Variants in WASHC5 observed in about 807,000 individuals in gnomAD.
WASHC5 encodes WASH complex subunit strumpellin.
In WASHC5, 101 loss-of-function variants were observed where a neutral mutation model predicts 150.4. That is an observed-to-expected ratio of 0.67 (90% confidence interval 0.57 to 0.79). The LOEUF is 0.79. Ranked by LOEUF, WASHC5 falls within the 30% of genes least tolerant of loss-of-function variation. The probability of loss-of-function intolerance (pLI) is 0.00; values close to 1 mark genes in which losing one functional copy is unlikely to be tolerated. For missense variants in WASHC5, 1,195 were observed against 1,396.3 expected (o/e 0.86, Z 2.30); for synonymous variants, 467 against 491.2 (o/e 0.95, Z 0.65).
At chr8:125,069,545 C>A (rs183536897) in intron 9 of WASHC5, among the ~76,000 whole-genome samples, 1 of 152,274 alleles carries the variant, frequency 6.6e-6, no homozygotes, top group South Asian at 2.1e-4. Flanking sequence ...TACAGAACAA[C>A]AATGTTGTAT....
At chr8:125,063,780 C>T in intron 10 of WASHC5, 129 bp from the exon 11 acceptor site, 2 of 787,694 alleles carry the variant, frequency 2.5e-6, no homozygotes, top group East Asian at 5.9e-5. Context: ...AACATTGACC[C>T]TGATGTCATC....
At chr8:125,070,286 T>C (rs1418504478) in intron 9 of WASHC5, among the ~76,000 whole-genome samples, 1 of 152,254 alleles carries the variant, frequency 6.6e-6, no homozygotes, top group Non-Finnish European at 1.5e-5. Context: ...AGCAGTTGCT[T>C]TTCCCATGTG....
intron 28 of WASHC5, among the ~76,000 whole-genome samples, chr8:125,027,892 G>T (rs1815417637): frequency 6.6e-6 from 1 of 152,178 alleles, no homozygotes; most frequent in African/African-American, 2.4e-5. Flanking sequence ...GTAGTTGCAA[G>T]AGTCTGTATA....
In WASHC5 at chr8:125,055,627, G is replaced by T; in HGVS notation, c.2061C>A (p.Ile687=). The change falls in exon 17 of 29, where the codon ATC becomes ATA. Residue 687 remains isoleucine, a synonymous_variant. Coordinates refer to ENST00000318410, the MANE Select transcript of WASHC5 (RefSeq NM_014846.4). The part of the protein sequence containing the change: ...THAISIFTEG[I]LMMKTTLVGI... ...CAACCAAAGTCGTTTTCATCATTAA[G>T]ATGCCTTCAGTAAAAATGGAAATAG... The T allele has an allele frequency of 6.2e-7, 1 of 1,612,328 alleles. No homozygotes were observed. The highest frequency in any genetic ancestry group is 1.1e-5 in the South Asian group (1 of 91,038).
Position 125,038,969 on chromosome 8 carries a change from GA to G in WASHC5, c.2955-11del, listed in dbSNP as rs1393931772. 3 of 1,613,042 alleles carry G rather than the reference GA, an allele frequency of 1.9e-6. No homozygotes were observed. The Admixed American group carries it at 5.0e-5, about 27-fold the overall frequency. On this transcript the variant is annotated splice_polypyrimidine_tract_variant and intron_variant, in intron 24 of 28. Transcript: ENST00000318410. The stretch of plus-strand genomic sequence containing the variant: ...GTCTGCTAGGAGAGCCCTAAAGGAA[GA>G]AAAACCCTGGAGATAAACATTAGTG...
chr8:125,036,784 C>A (rs1307922701), intron 26 of WASHC5, among the ~76,000 whole-genome samples: 2 of 151,992 alleles, frequency 1.3e-5, no homozygotes, highest in African/African-American at 2.4e-5. Context: ...CCAAGGTGGG[C>A]GGATCACCTG....
At position 125,059,467 on chromosome 8, in the gene WASHC5, G is replaced by A. The variant is rs1586362593; in HGVS notation, c.1597C>T (p.Gln533Ter). ...FLADTRKFLH[Q>*]MIRTINIKEE... ...TTAATGTTAATGGTTCTGATCATTTGATGAAGAAACTTTCGAGTATCGGCA... is the reference window on the plus strand; with the variant it reads ...TTAATGTTAATGGTTCTGATCATTTAATGAAGAAACTTTCGAGTATCGGCA... Residue 533 changes from glutamine to a stop codon, truncating the protein, a stop_gained, in exon 13 of 29, where the codon CAA (glutamine) becomes TAA (stop). Transcript: ENST00000318410. LOFTEE classifies it high-confidence loss of function. The A allele has an allele frequency of 6.2e-7, 1 of 1,613,920 alleles. No homozygotes were observed.
At position 125,047,326 on chromosome 8, in the gene WASHC5, T is replaced by A; in HGVS notation, c.2385A>T (p.Gln795His). 1 of 1,613,892 alleles carries A rather than the reference T, an allele frequency of 6.2e-7. No individual in the cohort carries two copies. Among genetic ancestry groups the A allele is most frequent in the Non-Finnish European group, 8.5e-7 (1 of 1,179,780 alleles). Reference sequence around the variant, plus strand: ...TGGACTGGTACATGCTTTGCCAATCTTGAATCTAGAAAACAAAACCATCAA... The same window carrying A: ...TGGACTGGTACATGCTTTGCCAATCATGAATCTAGAAAACAAAACCATCAA... ...ECNNFLRTKI[Q>H]DWQSMYQSTH... The change falls in exon 20 of 29, where the codon CAA becomes CAT. Residue 795 changes from glutamine to histidine, a missense_variant. Physicochemically the swap from Gln to His is conservative, Grantham distance 24 (BLOSUM62 0). Transcript: ENST00000318410.
In WASHC5 at chr8:125,083,157, A is replaced by G; in HGVS notation, c.288T>C (p.Tyr96=). The change falls in exon 3 of 29, where the codon TAT becomes TAC. Residue 96 remains tyrosine, a synonymous_variant. Coordinates refer to ENST00000318410, the MANE Select transcript of WASHC5 (RefSeq NM_014846.4). The part of the protein sequence containing the change: ...ENNIEIVTRF[Y]LAFQSVHKYI... ...ATTTATGTACACTTTGAAATGCTAA[A>G]TAAAATCTGGTCACAATTTCTATGT... 1 of 1,580,256 alleles carries G rather than the reference A, an allele frequency of 6.3e-7. No homozygotes were observed. The highest frequency in any genetic ancestry group is 1.1e-5 in the South Asian group (1 of 90,250).
At chr8:125,044,938 T>C (rs997470452) in intron 20 of WASHC5, 6 of 528,302 alleles carry the variant, frequency 1.1e-5, no homozygotes, top group Non-Finnish European at 2.1e-5. Flanking sequence ...GTTTCAGTCA[T>C]TTATTTCCAT....
At chr8:125,080,494 G>A (rs537788768) in intron 5 of WASHC5, among the ~76,000 whole-genome samples, 14 of 145,500 alleles carry the variant, frequency 9.6e-5, no homozygotes, top group African/African-American at 4.0e-4. Context: ...GTAGTACCTG[G>A]TATTGCCGAA....
At chr8:125,037,360 G>A in intron 25 of WASHC5, 27 bp from the exon 26 acceptor site, 1 of 1,328,212 alleles carries the variant, frequency 7.5e-7, no homozygotes, top group Non-Finnish European at 1.1e-6. Flanking sequence ...AAGAAAAATA[G>A]ATGGTTAAAT....
chr8:125,058,512 C>T (rs1009187058), intron 14 of WASHC5, among the ~76,000 whole-genome samples: 6 of 151,788 alleles, frequency 4.0e-5, no homozygotes, highest in African/African-American at 1.5e-4. Context: ...TTTGGGAGGC[C>T]AAGGCAGGAG....
chr8:125,076,397 T>C lies in WASHC5; in HGVS notation c.815A>G (p.His272Arg). The C allele has an allele frequency of 6.2e-7, 1 of 1,613,948 alleles. No individual in the cohort carries two copies. Among genetic ancestry groups the C allele is most frequent in the African/African-American group, 1.3e-5 (1 of 74,996 alleles). Residue 272 changes from histidine to arginine, a missense_variant, in exon 7 of 29, where the codon CAT becomes CGT. His to Arg is a conservative substitution (Grantham distance 29). Transcript: ENST00000318410. ...LYFEPSILHT[H>R]QAKMREIVDK... ...CACTATCTCTCTCATTTTTGCTTGATGGGTGTGAAGGATGGAAGGCTCAAA... is the reference window on the plus strand; with the variant it reads ...CACTATCTCTCTCATTTTTGCTTGACGGGTGTGAAGGATGGAAGGCTCAAA...
At chr8:125,067,803 C>T (rs1268639775) in intron 9 of WASHC5, 84 bp from the exon 10 acceptor site, 5 of 1,438,536 alleles carry the variant, frequency 3.5e-6, no homozygotes, top group African/African-American at 1.4e-5. Flanking sequence ...TATTTTCCTT[C>T]ATTTTAACCA....
chr8:125,024,797 G>A (rs187590959), intron 28 of WASHC5, 124 bp from the exon 29 acceptor site: 62 of 696,672 alleles, frequency 8.9e-5, no homozygotes, highest in African/African-American at 6.5e-4. Context: ...TCCCATGGGC[G>A]GACGACTCCT....
At chr8:125,072,350 A>AAG (rs1816921511) in intron 9 of WASHC5, among the ~76,000 whole-genome samples, 1 of 13,000 alleles carries the variant, frequency 7.7e-5, no homozygotes, top group African/African-American at 4.0e-4. Flanking sequence ...AAAAAAAAAA[A>AAG]GTGGGGGGGG....
rs1215771481 is a variant in WASHC5, at chr8:125,037,328, GTATA to G, written c.3086_3089del (p.Ile1029ThrfsTer2). The G allele has an allele frequency of 6.3e-7, 1 of 1,585,944 alleles. No individual in the cohort carries two copies. Among genetic ancestry groups the G allele is most frequent in the Non-Finnish European group, 8.7e-7 (1 of 1,154,588 alleles). On this transcript the variant is annotated frameshift_variant and splice_region_variant, in exon 26 of 29. Coordinates refer to ENST00000318410, the MANE Select transcript of WASHC5 (RefSeq NM_014846.4). LOFTEE classifies it high-confidence loss of function. ...AATAGGGTAAGCGCTTTGTTGTTAT[GTATA>G]TCTGGAAAGAGAAAGGTAAGAAAAA...
chr8:125,042,613 C>A (rs904962841), intron 23 of WASHC5, among the ~76,000 whole-genome samples: 2 of 152,166 alleles, frequency 1.3e-5, no homozygotes, highest in African/African-American at 4.8e-5. Context: ...AGGGGAAAAC[C>A]TTCCAGTTTC....
Sources: allele counts gnomAD v4.1 joint callset (sites outside exome capture counted in the v4.1 genomes callset), GRCh38; gene constraint gnomAD v4.1.1; transcripts MANE v1.5; gene names NCBI Gene and HGNC (gene_info 2026-07-23, HGNC 2026-07-21).